SUDS3: variants seen among roughly 807,000 people sequenced by gnomAD.
SUDS3 encodes SIN3A corepressor complex component SDS3.
A neutral mutation model predicts 53.5 loss-of-function variants in SUDS3; 23 were observed. The ratio of observed to expected loss-of-function variants is 0.43; its 90% CI spans 0.31 to 0.61. SUDS3 has a LOEUF of 0.61. Ranked by LOEUF, SUDS3 falls within the 20% of genes least tolerant of loss-of-function variation. SUDS3 has a pLI of 0.10. For missense variants in SUDS3, 291 were observed against 405.9 expected, an observed-to-expected ratio of 0.72 and a Z score of 2.43; for synonymous variants, 150 against 148.5, an observed-to-expected ratio of 1.01 and a Z score of -0.08.
At chr12:118,413,869 G>A (rs1364852959) in intron 11 of SUDS3, among the ~76,000 whole-genome samples, 1 of 152,040 alleles carries the variant, frequency 6.6e-6, no homozygotes, top group Non-Finnish European at 1.5e-5. Context: ...CTGTTTTTCT[G>A]CACAACCATT....
chr12:118,400,073 TGAA>T (rs1356522694), intron 6 of SUDS3, among the ~76,000 whole-genome samples: 3 of 146,954 alleles, frequency 2.0e-5, no homozygotes, highest in African/African-American at 7.5e-5. Context: ...CAGAGAGGAG[TGAA>T]GAAGAAGGGA....
At chr12:118,398,942 G>A (rs983665945) in intron 6 of SUDS3, among the ~76,000 whole-genome samples, 12 of 152,152 alleles carry the variant, frequency 7.9e-5, no homozygotes, top group African/African-American at 2.9e-4. Context: ...GATGGAATGA[G>A]TTTCTGCCTT....
chr12:118,400,879 C>A lies in SUDS3; in HGVS notation c.613+125C>A. On this transcript the variant is annotated intron_variant, in intron 7 of 11. Coordinates refer to ENST00000543473, the MANE Select transcript of SUDS3 (RefSeq NM_022491.3). ...AAAATAGTAACATTTAACTGGAAAGCGTGTGTTAAATGTTTGTCCACAGGT... is the reference window on the plus strand; with the variant it reads ...AAAATAGTAACATTTAACTGGAAAGAGTGTGTTAAATGTTTGTCCACAGGT... 3.3e-6 allele frequency: 3 copies of A among 899,912 alleles called. No individual in the cohort carries two copies. In the East Asian group the frequency reaches 7.8e-5, roughly 23 times the overall value. The allele number at this position is 899,912 out of a possible 1,614,324, so 55.7% of individuals were successfully genotyped here. A position where few individuals can be genotyped will look rare whatever the true frequency, so the allele number is the denominator to read the frequency against.
At position 118,414,674 on chromosome 12, in the gene SUDS3, G is replaced by T; in HGVS notation, c.*241G>T. On this transcript the variant is annotated 3_prime_UTR_variant, in exon 12 of 12. Coordinates refer to ENST00000543473, the MANE Select transcript of SUDS3 (RefSeq NM_022491.3). ...TCACCATGAGACTGTTTTACTTTCA[G>T]GCGTATTGGGGGGTTTGATTTACTT... The T allele has an allele frequency of 2.6e-6, 1 of 379,800 alleles. No homozygotes were observed. 23.5% of individuals were successfully genotyped at this position (379,800 alleles called of 1,614,324 possible).
At chr12:118,384,146 C>A (rs141747895) in intron 3 of SUDS3, 79 bp downstream of exon 3, 3 of 1,416,492 alleles carry the variant, frequency 2.1e-6, no homozygotes, top group East Asian at 2.3e-5. Context: ...TATTTCACTT[C>A]TCTGTGGGAG....
chr12:118,388,585 A>G (rs1221256120), intron 4 of SUDS3, among the ~76,000 whole-genome samples: 1 of 152,118 alleles, frequency 6.6e-6, no homozygotes, highest in Non-Finnish European at 1.5e-5. Flanking sequence ...GGTGCTAACT[A>G]AGTTGTTGAG....
intron 4 of SUDS3, 116 bp from the exon 5 acceptor site, chr12:118,389,810 AT>A: frequency 8.0e-7 from 1 of 1,252,980 alleles, no homozygotes; most frequent in Non-Finnish European, 1.2e-6. Context: ...TGATGAAAAC[AT>A]TTGCTTTGTA....
rs562925001 is a variant in SUDS3 at position 118,410,704 on chromosome 12, C to A, written c.804-369C>A. ...CTCCGCCTCCCGGGTTCACACCATT[C>A]TCCTGCCTCAGCCTCCCAAGTAGCT... On this transcript the variant is annotated intron_variant, in intron 10 of 11. Transcript: ENST00000543473. Among the ~76,000 whole-genome samples, 268 of 152,172 alleles carry A rather than the reference C, an allele frequency of 1.8e-3. 1 individual carries two copies. Among genetic ancestry groups the A allele is most frequent in the African/African-American group, 6.4e-3 (264 of 41,544 alleles).
At chr12:118,386,701 C>A (rs935485278) in intron 4 of SUDS3, among the ~76,000 whole-genome samples, 3 of 152,136 alleles carry the variant, frequency 2.0e-5, no homozygotes, top group African/African-American at 7.2e-5. Flanking sequence ...TGAGCACCTG[C>A]TACATCTAAG....
chr12:118,401,521 C>G (rs1342995277), intron 7 of SUDS3, among the ~76,000 whole-genome samples: 1 of 152,160 alleles, frequency 6.6e-6, no homozygotes, highest in Non-Finnish European at 1.5e-5. Context: ...TTGTAGATGC[C>G]TAATGAAGCT....
chr12:118,377,143 A>G (rs1028681412), intron 1 of SUDS3, among the ~76,000 whole-genome samples: 3 of 151,544 alleles, frequency 2.0e-5, no homozygotes, highest in African/African-American at 7.3e-5. Flanking sequence ...GGAATTAGAA[A>G]CTCATTTACT....
intron 6 of SUDS3, among the ~76,000 whole-genome samples, chr12:118,399,537 C>T (rs1048803832): frequency 2.0e-4 from 30 of 151,968 alleles, no homozygotes; most frequent in African/African-American, 7.0e-4. Context: ...AAGAGTGATA[C>T]ACAAAACGAT....
intron 5 of SUDS3, among the ~76,000 whole-genome samples, chr12:118,390,285 A>G (rs369063030): frequency 1.8e-4 from 28 of 152,328 alleles, no homozygotes; most frequent in African/African-American, 6.5e-4. Flanking sequence ...TTGGCTCAGC[A>G]GTTCTGTTTT....
chr12:118,380,289 G>T lies in SUDS3; in HGVS notation c.212+58G>T, dbSNP rs566244952. 4.9e-6 allele frequency: 7 copies of T among 1,432,524 alleles called. No individual in the cohort carries two copies. The South Asian group carries it at 8.8e-5, about 18-fold the overall frequency. 88.7% of individuals were successfully genotyped at this position (1,432,524 alleles called of 1,614,324 possible). A position where few individuals can be genotyped will look rare whatever the true frequency, so the allele number is the denominator to read the frequency against. ...ATAGAATTGACAACATCTTTATATA[G>T]ATTGAGCATCCCAAATCTGAAATCT... On this transcript the variant is annotated intron_variant, in intron 2 of 11. Coordinates refer to ENST00000543473, the MANE Select transcript of SUDS3 (RefSeq NM_022491.3).
chr12:118,409,928 G>T (rs143046022), intron 10 of SUDS3, among the ~76,000 whole-genome samples: 1 of 152,312 alleles, frequency 6.6e-6, no homozygotes, highest in East Asian at 1.9e-4. Context: ...ATAAGAAGTG[G>T]CCCTACACTA....
At chr12:118,411,267 C>A (rs1335385395) in intron 11 of SUDS3, 110 bp downstream of exon 11, 1 of 915,038 alleles carries the variant, frequency 1.1e-6, no homozygotes, top group Non-Finnish European at 1.7e-6. Context: ...GGAGTACTGT[C>A]TTCTATGTGG....
chr12:118,395,107 C>G (rs2046201792), intron 6 of SUDS3, among the ~76,000 whole-genome samples: 1 of 151,814 alleles, frequency 6.6e-6, no homozygotes, highest in African/African-American at 2.4e-5. Context: ...GAGGAAGAGG[C>G]CCCACACAAA....
rs2046385192 is a variant in SUDS3, at chr12:118,414,662, G to C, written c.*229G>C. The C allele has an allele frequency of 2.2e-5, 9 of 411,560 alleles. No homozygotes were observed. The highest frequency in any genetic ancestry group is 3.9e-5 in the Non-Finnish European group (9 of 233,380). 25.5% of individuals were successfully genotyped at this position (411,560 alleles called of 1,614,324 possible). A position where few individuals can be genotyped will look rare whatever the true frequency, so the allele number is the denominator to read the frequency against. ...TCCAGACATCAGTCACCATGAGACT[G>C]TTTTACTTTCAGGCGTATTGGGGGG... is the stretch of plus-strand genomic sequence containing the variant. On this transcript the variant is annotated 3_prime_UTR_variant, in exon 12 of 12. Transcript: ENST00000543473.
At position 118,383,507 on chromosome 12, in the gene SUDS3, C is replaced by T. The variant is rs147966071; in HGVS notation, c.213-505C>T. ...TTTTCTTTCTGAATTACTATTATTT[C>T]TCTGATCCTAAAAGAGTAGTGCTTT... On this transcript the variant is annotated intron_variant, in intron 2 of 11. Transcript: ENST00000543473. Among the ~76,000 whole-genome samples the T allele has an allele frequency of 1.1e-4, 16 of 152,322 alleles. No individual in the cohort carries two copies. In the East Asian group the frequency reaches 2.9e-3, roughly 28 times the overall value.
Sources: gnomAD v4.1 joint callset for allele counts (sites outside exome capture counted in the v4.1 genomes callset) on GRCh38, gnomAD v4.1.1 for gene constraint, MANE v1.5 for transcripts, NCBI Gene and HGNC (gene_info 2026-07-23, HGNC 2026-07-21) for gene names.